The following MSI2 variants were observed in gnomAD, a reference collection of about 807,000 sequenced individuals.
MSI2 encodes the protein musashi RNA binding protein 2, also known as RNA-binding protein Musashi homolog 2.
A neutral mutation model predicts 45.6 loss-of-function variants in MSI2; 17 were observed. The observed-to-expected ratio is 0.37, with a 90% CI of 0.26 to 0.56. The LOEUF is 0.56. Ranked by LOEUF, MSI2 falls within the 20% of genes least tolerant of loss-of-function variation. The pLI is 0.77. For missense variants in MSI2, 293 were observed against 444.2 expected, an observed-to-expected ratio of 0.66 and a Z score of 3.06; for synonymous variants, 156 against 158.2, an observed-to-expected ratio of 0.99 and a Z score of 0.11.
Position 57,616,019 on chromosome 17 carries a change from C to T in MSI2, c.587C>T (p.Thr196Ile). The change falls in exon 9 of 14, where the codon ACA becomes ATA. Residue 196 changes from threonine (T) to isoleucine (I), a missense_variant. Thr to Ile is a moderately conservative substitution (Grantham distance 89). Transcript: ENST00000284073. ...AAAGAAGTCATGTTCCCACCTGGGACAAGAGGCCGGGCCCGGGGACTGCCT... is the reference window on the plus strand; with the variant it reads ...AAAGAAGTCATGTTCCCACCTGGGATAAGAGGCCGGGCCCGGGGACTGCCT... ...QPKEVMFPPG[T>I]RGRARGLPYT... is the part of the protein sequence containing the mutation. The T allele has an allele frequency of 6.2e-7, 1 of 1,614,198 alleles. No individual in the cohort carries two copies. Among genetic ancestry groups the T allele is most frequent in the Non-Finnish European group, 8.5e-7 (1 of 1,180,036 alleles).
chr17:57,674,873 G>A, intron 11 of MSI2, 99 bp from the exon 12 acceptor site: 6 of 1,533,302 alleles, frequency 3.9e-6, no homozygotes, highest in Non-Finnish European at 8.8e-7. Context: ...ACCGGTGCAT[G>A]CCTGGCTTCT....
At chr17:57,694,946 G>GT in the MSI2 span, among the ~76,000 whole-genome samples, 1 of 152,232 alleles carries the variant, frequency 6.6e-6, no homozygotes, top group Non-Finnish European at 1.5e-5. Flanking sequence ...TGCACTAAAT[G>GT]TAAGTGCTAT....
intron 5 of MSI2, chr17:57,285,974 G>T: frequency 6.5e-7 from 1 of 1,534,464 alleles, no homozygotes; most frequent in Non-Finnish European, 8.7e-7. Flanking sequence ...GAGTGGGAGT[G>T]GAGACCAATC....
chr17:57,411,636 T>G (rs981331413), intron 6 of MSI2, among the ~76,000 whole-genome samples: 3 of 152,148 alleles, frequency 2.0e-5, no homozygotes, highest in African/African-American at 7.2e-5. Context: ...ACTCTGGGTT[T>G]GTTGTTAAAC....
At chr17:57,508,187 T>C (rs555553929) in intron 6 of MSI2, among the ~76,000 whole-genome samples, 1 of 152,306 alleles carries the variant, frequency 6.6e-6, no homozygotes, top group African/African-American at 2.4e-5. Flanking sequence ...TTCCCTTGCC[T>C]GTGGCCCGCT....
chr17:57,613,540 T>G (rs1237357952), intron 8 of MSI2, among the ~76,000 whole-genome samples: 2 of 152,192 alleles, frequency 1.3e-5, no homozygotes, highest in African/African-American at 4.8e-5. Context: ...GAGGTAAGAT[T>G]ACTAGGTGTA....
In MSI2 at chr17:57,437,160, G is replaced by A. The variant is rs531755734; in HGVS notation, c.405+35689G>A. Among the ~76,000 whole-genome samples the A allele has an allele frequency of 3.9e-5, 6 of 152,192 alleles. No individual in the cohort carries two copies. The South Asian group carries it at 6.2e-4, about 16-fold the overall frequency. On this transcript the variant is annotated intron_variant, in intron 6 of 13. Transcript: ENST00000284073. Reference sequence around the variant, plus strand: ...TTTCTTGGGATTGCCTTTATCAATCGTGATGCATATTTTTGGGCAGTAACC... The same window carrying A: ...TTTCTTGGGATTGCCTTTATCAATCATGATGCATATTTTTGGGCAGTAACC...
chr17:57,394,427 C>T (rs2083852803), intron 5 of MSI2, among the ~76,000 whole-genome samples: 1 of 152,182 alleles, frequency 6.6e-6, no homozygotes, highest in South Asian at 2.1e-4. Context: ...GTGCATACCT[C>T]AGGCCTGGCC....
At chr17:57,366,762 TTTTA>T (rs1917227072) in intron 5 of MSI2, among the ~76,000 whole-genome samples, 1 of 152,230 alleles carries the variant, frequency 6.6e-6, no homozygotes, top group Non-Finnish European at 1.5e-5. Context: ...TCTAATTGCC[TTTTA>T]TTTATTTATT....
At chr17:57,481,037 A>G (rs962139798) in intron 6 of MSI2, among the ~76,000 whole-genome samples, 7 of 152,218 alleles carry the variant, frequency 4.6e-5, no homozygotes, top group African/African-American at 1.7e-4. Flanking sequence ...ACAGGATGGT[A>G]TACACAAGGC....
At position 57,515,142 on chromosome 17, in the gene MSI2, A is replaced by G. The variant is rs982599243; in HGVS notation, c.406-14534A>G. On this transcript the variant is annotated intron_variant, in intron 6 of 13. Transcript: ENST00000284073. ...AAAAATTAAATGAAAGACAGGCCTA[A>G]TGGCTCAAAATAGAAAGATTGGAAA... Among the ~76,000 whole-genome samples the G allele has an allele frequency of 4.6e-5, 7 of 152,270 alleles. No homozygotes were observed. In the East Asian group the frequency reaches 5.8e-4, roughly 13 times the overall value.
chr17:57,482,061 G>A (rs148961349), intron 6 of MSI2, among the ~76,000 whole-genome samples: 1 of 152,306 alleles, frequency 6.6e-6, no homozygotes, highest in East Asian at 1.9e-4. Flanking sequence ...CTGGTGGAAG[G>A]CAGATAATGC....
chr17:57,273,312 G>A (rs993879454), intron 5 of MSI2, among the ~76,000 whole-genome samples: 1 of 152,042 alleles, frequency 6.6e-6, no homozygotes, highest in Admixed American at 6.5e-5. Flanking sequence ...TTGTTTTCCT[G>A]TACTAATAGG....
intron 7 of MSI2, among the ~76,000 whole-genome samples, chr17:57,565,086 A>G (rs1428208858): frequency 6.6e-6 from 1 of 152,206 alleles, no homozygotes; most frequent in African/African-American, 2.4e-5. Flanking sequence ...AGACATGGTT[A>G]CTTGCTGAAG....
At chr17:57,504,772 A>G (rs543717127) in intron 6 of MSI2, among the ~76,000 whole-genome samples, 2 of 152,136 alleles carry the variant, frequency 1.3e-5, no homozygotes, top group Admixed American at 6.5e-5. Flanking sequence ...ATCTACTAAA[A>G]ATACGAAAAA....
chr17:57,689,557 A>G (rs145125999), downstream of MSI2, among the ~76,000 whole-genome samples: 801 of 152,328 alleles, frequency 5.3e-3, 7 homozygotes, highest in African/African-American at 0.018. Flanking sequence ...AATTACATAT[A>G]ATACAGTGCA....
chr17:57,479,381 G>T (rs1253015015), intron 6 of MSI2, among the ~76,000 whole-genome samples: 3 of 152,130 alleles, frequency 2.0e-5, no homozygotes, highest in Non-Finnish European at 4.4e-5. Flanking sequence ...CATATTCCTG[G>T]ACAATAAACC....
At chr17:57,354,864 G>T (rs956316243) in intron 5 of MSI2, among the ~76,000 whole-genome samples, 1 of 152,172 alleles carries the variant, frequency 6.6e-6, no homozygotes, top group Non-Finnish European at 1.5e-5. Context: ...TAGCTGCTGG[G>T]CAGAGTAGAC....
chr17:57,392,775 A>G (rs2083818656), intron 5 of MSI2, among the ~76,000 whole-genome samples: 2 of 152,152 alleles, frequency 1.3e-5, no homozygotes, highest in South Asian at 4.1e-4. Flanking sequence ...AGCGGTGGGA[A>G]TGGTGGGCAG....
Sources: gnomAD v4.1 joint callset for allele counts (sites outside exome capture counted in the v4.1 genomes callset) on GRCh38, gnomAD v4.1.1 for gene constraint, MANE v1.5 for transcripts, NCBI Gene and HGNC (gene_info 2026-07-23, HGNC 2026-07-21) for gene names.